Variants in HOOK2 observed in about 807,000 individuals in gnomAD.
HOOK2 encodes the protein protein Hook homolog 2.
HOOK2 carries 108 observed loss-of-function variants against 111.9 expected under a neutral mutation model. The observed-to-expected ratio is 0.96, with a 90% CI of 0.83 to 1.13. The LOEUF is 1.13. Ranked by LOEUF, HOOK2 falls within the 50% of genes most tolerant of loss-of-function variation. The probability of loss-of-function intolerance (pLI) is 0.00; values close to 1 mark genes in which losing one functional copy is unlikely to be tolerated. For missense variants in HOOK2, 978 were observed against 951.3 expected (o/e 1.03, Z -0.37); for synonymous variants, 405 against 394.3 (o/e 1.03, Z -0.32).
chr19:12,769,959 G>C lies in HOOK2; in HGVS notation c.1026C>G (p.Ala342=), dbSNP rs752846928. The change falls in exon 11 of 23, where the codon GCC becomes GCG. Residue 342 remains alanine, a synonymous_variant. Coordinates refer to ENST00000397668, the MANE Select transcript of HOOK2 (RefSeq NM_013312.3). The part of the protein sequence containing the change: ...RQLEERNAGH[A]ERTRQLEDEL... ...CATCCTCCAGTTGTCGCGTGCGCTC[G>C]GCGTGGCCGGCGTTGCGTTCCTCCA... 3.5e-5 allele frequency: 54 copies of C among 1,552,970 alleles called. No individual in the cohort carries two copies. Among genetic ancestry groups the C allele is most frequent in the Non-Finnish European group, 4.4e-5 (51 of 1,156,180 alleles).
At chr19:12,772,943 G>C in intron 4 of HOOK2, 31 bp from the exon 5 acceptor site, 1 of 1,614,160 alleles carries the variant, frequency 6.2e-7, no homozygotes, top group East Asian at 2.2e-5. Flanking sequence ...GGGGCTCATG[G>C]GCCCACCCTT....
At chr19:12,777,200 G>A (rs968077873), upstream of HOOK2, among the ~76,000 whole-genome samples, 23 of 150,788 alleles carry the variant, frequency 1.5e-4, no homozygotes, top group Non-Finnish European at 3.2e-4. Flanking sequence ...AATGCCTGGC[G>A]CGATGGTTCA....
chr19:12,788,231 T>G (rs1181742089), intron 3 of HOOK2, among the ~76,000 whole-genome samples: 1 of 152,194 alleles, frequency 6.6e-6, no homozygotes, highest in African/African-American at 2.4e-5. Context: ...TTCTAGCTGT[T>G]GGACACCAGA....
intron 1 of HOOK2, 62 bp downstream of exon 1, chr19:12,775,343 C>A (rs1968469152): frequency 6.3e-7 from 1 of 1,584,338 alleles, no homozygotes; most frequent in Admixed American, 1.8e-5. Context: ...CGAACCAGGG[C>A]CAGGGATCCC....
intron 1 of HOOK2, 172 bp from the exon 2 acceptor site, chr19:12,775,069 GGCCTC>G: frequency 1.5e-6 from 1 of 678,258 alleles, no homozygotes; most frequent in Non-Finnish European, 1.8e-6. Context: ...GAGGGGGCGT[GGCCTC>G]ACCTCACCTC....
intron 13 of HOOK2, 24 bp downstream of exon 13, chr19:12,767,792 C>A (rs1455010256): frequency 6.9e-6 from 11 of 1,595,484 alleles, no homozygotes; most frequent in Non-Finnish European, 9.3e-6. Flanking sequence ...ACAGGTAAGA[C>A]CCCGGGATGG....
At chr19:12,784,215 CAG>C (rs751306963) in intron 3 of HOOK2, among the ~76,000 whole-genome samples, 78 of 152,196 alleles carry the variant, frequency 5.1e-4, no homozygotes, top group African/African-American at 6.7e-4. Context: ...GGTGACCAGA[CAG>C]GGGGCGGGCG....
At chr19:12,772,141 G>T in intron 7 of HOOK2, 49 bp downstream of exon 7, 1 of 1,401,962 alleles carries the variant, frequency 7.1e-7, no homozygotes, top group African/African-American at 1.4e-5. Flanking sequence ...CCCGGCCTTT[G>T]GATTTGCTGA....
intron 18 of HOOK2, 132 bp from the exon 19 acceptor site, chr19:12,765,213 T>TGAGGGGCAGG: frequency 1.2e-6 from 1 of 844,292 alleles, no homozygotes; most frequent in South Asian, 1.5e-5. Context: ...TGCCTGCCCC[T>TGAGGGGCAGG]CATGCCTGGG....
intron 15 of HOOK2, 27 bp downstream of exon 15, chr19:12,766,076 C>T (rs767842419): frequency 8.1e-6 from 13 of 1,603,556 alleles, no homozygotes; most frequent in South Asian, 5.5e-5. Flanking sequence ...GTCCCTGCTC[C>T]GCGCAGGTAG....
rs1192156516 is a variant in HOOK2, at chr19:12,774,881, A to C, written c.62T>G (p.Val21Gly). Residue 21 changes from valine (V) to glycine (G), a missense_variant, in exon 2 of 23, where the codon GTT (valine) becomes GGT (glycine). Around this residue, in one of 5 missense-constraint regions of HOOK2, gnomAD observed 301 missense variants for 286.1 expected, o/e 1.05. Coordinates refer to ENST00000397668, the MANE Select transcript of HOOK2 (RefSeq NM_013312.3). ...SLLTWLQTFH[V>G]PSPCASPQDL... ...CTGAGGGCTGGCACAGGGAGACGGAACGTGGAACGTCTGTAACTGAGGGGT... is the reference window on the plus strand; with the variant it reads ...CTGAGGGCTGGCACAGGGAGACGGACCGTGGAACGTCTGTAACTGAGGGGT... 1 of 1,613,860 alleles carries C rather than the reference A, an allele frequency of 6.2e-7. No individual in the cohort carries two copies.
chr19:12,770,836 T>A (rs1197592055), intron 10 of HOOK2, 96 bp downstream of exon 10: 2 of 1,461,464 alleles, frequency 1.4e-6, no homozygotes, highest in Admixed American at 2.1e-5. Flanking sequence ...ACTGGGCACA[T>A]GAAAATTACA....
intron 12 of HOOK2, 28 bp downstream of exon 12, chr19:12,767,985 G>A (rs1968207611): frequency 6.2e-7 from 1 of 1,612,160 alleles, no homozygotes; most frequent in Admixed American, 1.7e-5. Flanking sequence ...GGCAGGGTGG[G>A]GCTTGGGCAG....
upstream of HOOK2, among the ~76,000 whole-genome samples, chr19:12,777,637 G>A (rs1488134320): frequency 1.3e-5 from 2 of 152,212 alleles, no homozygotes; most frequent in African/African-American, 2.4e-5. Context: ...CGTCTTCCAC[G>A]ATATTCCCCC....
chr19:12,766,325 G>A, intron 14 of HOOK2, 85 bp from the exon 15 acceptor site: 1 of 1,423,712 alleles, frequency 7.0e-7, no homozygotes, highest in Admixed American at 2.7e-5. Context: ...AGCTAGGGGC[G>A]GGACAGAGCC....
chr19:12,770,696 C>G (rs1291360633), intron 10 of HOOK2, among the ~76,000 whole-genome samples: 2 of 99,286 alleles, frequency 2.0e-5, no homozygotes, highest in Non-Finnish European at 3.8e-5. Context: ...TGGAAGCATA[C>G]TGTGGGATAA....
At chr19:12,783,698 C>G (rs1199070921) in intron 3 of HOOK2, among the ~76,000 whole-genome samples, 1 of 152,048 alleles carries the variant, frequency 6.6e-6, no homozygotes, top group Non-Finnish European at 1.5e-5. Flanking sequence ...ATCATTATGT[C>G]CAGCTTGTTG....
chr19:12,772,926 G>C lies in HOOK2; in HGVS notation c.256-14C>G, dbSNP rs1968379963. The stretch of plus-strand genomic sequence containing the variant: ...ATGCGCCAGGACCTGGGGAGAAGGG[G>C]GTGTCAGGGGCTCATGGGCCCACCC... On this transcript the variant is annotated splice_polypyrimidine_tract_variant and intron_variant, in intron 4 of 22. Transcript: ENST00000397668. 1 of 1,614,196 alleles carries C rather than the reference G, an allele frequency of 6.2e-7. No homozygotes were observed. The highest frequency in any genetic ancestry group is 8.5e-7 in the Non-Finnish European group (1 of 1,180,018).
Position 12,763,358 on chromosome 19 carries a change from C to A in HOOK2, c.2084G>T (p.Arg695Leu). 1 of 1,614,162 alleles carries A rather than the reference C, an allele frequency of 6.2e-7. No individual in the cohort carries two copies. Among genetic ancestry groups the A allele is most frequent in the Non-Finnish European group, 8.5e-7 (1 of 1,180,038 alleles). ...AHAQSFLAQQ[R>L]LATNSRRGPL... The stretch of plus-strand genomic sequence containing the variant: ...TCCACGGCGAGAATTGGTTGCCAGC[C>A]GCTGCTGTGCCAGGAATGACTGGGC... The change falls in exon 23 of 23, where the codon CGG becomes CTG. Residue 695 changes from arginine to leucine, a missense_variant. This residue lies in a region of HOOK2 where 277 missense variants were observed against 265.8 expected (regional missense o/e 1.04). Transcript: ENST00000397668.
Sources: gnomAD v4.1 joint callset for allele counts (sites outside exome capture counted in the v4.1 genomes callset) on GRCh38, gnomAD v4.1.1 for gene constraint, gnomAD v4.1.1 regional missense constraint, MANE v1.5 for transcripts, NCBI Gene and HGNC (gene_info 2026-07-23, HGNC 2026-07-21) for gene names.